TMEM178B: variants seen among roughly 807,000 people sequenced by gnomAD.
TMEM178B encodes transmembrane protein 178B.
TMEM178B carries 5 observed loss-of-function variants against 31.0 expected under a neutral mutation model. The ratio of observed to expected loss-of-function variants is 0.16; its 90% CI spans 0.08 to 0.34. TMEM178B has a LOEUF of 0.34. Ranked by LOEUF, TMEM178B falls within the 10% of genes least tolerant of loss-of-function variation. The probability of loss-of-function intolerance (pLI) is 1.00; values close to 1 mark genes in which losing one functional copy is unlikely to be tolerated. For synonymous variants in TMEM178B, 164 were observed against 164.0 expected (o/e 1.00, Z 0.00); for missense variants, 275 against 400.3 (o/e 0.69, Z 2.67).
chr7:141,160,473 C>G (rs555631081), intron 1 of TMEM178B, among the ~76,000 whole-genome samples: 1 of 152,292 alleles, frequency 6.6e-6, no homozygotes, highest in South Asian at 2.1e-4. Flanking sequence ...TTCCCTCTGC[C>G]ACATCCCCAC....
intron 1 of TMEM178B, among the ~76,000 whole-genome samples, chr7:141,125,512 C>T (rs1795477005): frequency 6.6e-6 from 1 of 151,764 alleles, no homozygotes; most frequent in South Asian, 2.1e-4. Flanking sequence ...GAAACCCTGT[C>T]TCTACTAAAA....
At chr7:141,283,760 A>G (rs1362812356) in intron 2 of TMEM178B, among the ~76,000 whole-genome samples, 1 of 152,072 alleles carries the variant, frequency 6.6e-6, no homozygotes, top group Non-Finnish European at 1.5e-5. Flanking sequence ...ATATACACTT[A>G]TTTTTTGGCA....
At chr7:141,212,827 A>G in intron 2 of TMEM178B, 123 bp downstream of exon 2, 1 of 738,998 alleles carries the variant, frequency 1.4e-6, no homozygotes, top group Non-Finnish European at 2.2e-6. Flanking sequence ...AGATGGTTCC[A>G]TAAAGTGCCA....
chr7:141,276,077 GT>G (rs1398914661), intron 2 of TMEM178B, among the ~76,000 whole-genome samples: 1 of 152,222 alleles, frequency 6.6e-6, no homozygotes, highest in Non-Finnish European at 1.5e-5. Flanking sequence ...TGCTCCAGAT[GT>G]TTTTCCTGAG....
intron 1 of TMEM178B, chr7:141,172,931 A>G (rs1353282656): frequency 1.3e-5 from 2 of 152,226 alleles, no homozygotes; most frequent in Non-Finnish European, 2.9e-5. Context: ...GTGTGCATGA[A>G]TATCAGAATA....
chr7:141,215,843 CTTTTCT>C (rs1460047012), intron 2 of TMEM178B, among the ~76,000 whole-genome samples: 28,528 of 93,442 alleles, frequency 0.31, 3,799 homozygotes, highest in Middle Eastern at 0.48. Context: ...TCTTTCTTTT[CTTTTCT>C]TTTCTTTCTC....
At chr7:141,459,589 G>T (rs1236018772) in intron 3 of TMEM178B, among the ~76,000 whole-genome samples, 1 of 152,198 alleles carries the variant, frequency 6.6e-6, no homozygotes, top group Admixed American at 6.5e-5. Context: ...ACTTGGGGAA[G>T]ATGTCTTGGG....
intron 3 of TMEM178B, among the ~76,000 whole-genome samples, chr7:141,446,176 G>T (rs1801750684): frequency 3.9e-5 from 6 of 152,182 alleles, no homozygotes; most frequent in Admixed American, 3.9e-4. Flanking sequence ...CCAGGCAGCA[G>T]GAGGGCCTCA....
At chr7:141,123,014 A>G (rs1563093626) in intron 1 of TMEM178B, among the ~76,000 whole-genome samples, 1 of 152,190 alleles carries the variant, frequency 6.6e-6, no homozygotes, top group African/African-American at 2.4e-5. Context: ...GTCCAGTTCT[A>G]CACTCTGTGT....
At chr7:141,153,608 A>C (rs1796015417) in intron 1 of TMEM178B, among the ~76,000 whole-genome samples, 1 of 152,220 alleles carries the variant, frequency 6.6e-6, no homozygotes, top group African/African-American at 2.4e-5. Flanking sequence ...TTCATTCTTC[A>C]CAACTCTGCT....
chr7:141,208,637 C>T (rs1218986271), intron 1 of TMEM178B, among the ~76,000 whole-genome samples: 1 of 152,224 alleles, frequency 6.6e-6, no homozygotes, highest in Non-Finnish European at 1.5e-5. Context: ...GTGGCTGCTC[C>T]AGGCAGGCTC....
chr7:141,510,892 A>T, the TMEM178B span, among the ~76,000 whole-genome samples: 7 of 152,010 alleles, frequency 4.6e-5, no homozygotes, highest in African/African-American at 1.7e-4. Flanking sequence ...AAGAAGGGTG[A>T]CAACTGGGGG....
intron 3 of TMEM178B, among the ~76,000 whole-genome samples, chr7:141,469,311 C>A (rs1802198272): frequency 6.6e-6 from 1 of 152,204 alleles, no homozygotes. Flanking sequence ...GCACATAGCA[C>A]TTAATACTTA....
chr7:141,328,187 A>G (rs1355604184), intron 2 of TMEM178B, among the ~76,000 whole-genome samples: 1 of 152,104 alleles, frequency 6.6e-6, no homozygotes, highest in Non-Finnish European at 1.5e-5. Context: ...TGGTCATCAC[A>G]TTTCTTCTGG....
intron 1 of TMEM178B, among the ~76,000 whole-genome samples, chr7:141,165,343 A>G (rs1796245152): frequency 2.0e-5 from 3 of 152,166 alleles, no homozygotes; most frequent in African/African-American, 4.8e-5. Context: ...TTGCATAGAA[A>G]GCTCTTCAAC....
chr7:141,261,218 C>T (rs1586856444), intron 2 of TMEM178B, among the ~76,000 whole-genome samples: 1 of 152,000 alleles, frequency 6.6e-6, no homozygotes, highest in East Asian at 1.9e-4. Context: ...ATTTGAATGC[C>T]CTGTTCGTGA....
At chr7:141,464,184 C>T (rs931204683) in intron 3 of TMEM178B, among the ~76,000 whole-genome samples, 1 of 152,146 alleles carries the variant, frequency 6.6e-6, no homozygotes, top group African/African-American at 2.4e-5. Flanking sequence ...AAGGAGGGGA[C>T]CTTTGGGGAC....
chr7:141,426,968 G>A (rs1181732), intron 2 of TMEM178B, among the ~76,000 whole-genome samples: 151,119 of 152,264 alleles, frequency 0.99, 74,993 homozygotes, highest in Middle Eastern at 1. Context: ...TATAGTAGCT[G>A]CAAAAAATTT....
At chr7:141,376,659 A>G (rs1195936891) in intron 2 of TMEM178B, among the ~76,000 whole-genome samples, 1 of 152,210 alleles carries the variant, frequency 6.6e-6, no homozygotes, top group Admixed American at 6.5e-5. Context: ...CACAAATCCA[A>G]TAGGTTGGAG....
Sources: gnomAD v4.1 joint callset for allele counts (sites outside exome capture counted in the v4.1 genomes callset) on GRCh38, gnomAD v4.1.1 for gene constraint, MANE v1.5 for transcripts, NCBI Gene and HGNC (gene_info 2026-07-23, HGNC 2026-07-21) for gene names.